FNTA: variants seen among roughly 807,000 people sequenced by gnomAD.
FNTA encodes the protein protein farnesyltransferase/geranylgeranyltransferase type-1 subunit alpha.
A neutral mutation model predicts 55.2 loss-of-function variants in FNTA; 27 were observed. The observed-to-expected ratio is 0.49, with a 90% CI of 0.36 to 0.67. The LOEUF is 0.67. FNTA is among the 30% of genes least tolerant of loss of function. The pLI is 0.00. For missense variants in FNTA, 422 were observed against 464.7 expected (o/e 0.91, Z 0.85); for synonymous variants, 176 against 170.7 (o/e 1.03, Z -0.24).
At chr8:43,070,292 A>C (rs1388247499) in intron 4 of FNTA, 1 of 151,982 alleles carries the variant, frequency 6.6e-6, no homozygotes, top group African/African-American at 2.4e-5. Context: ...TGGGGGACCG[A>C]GTGAGACTCT....
intron 4 of FNTA, among the ~76,000 whole-genome samples, chr8:43,071,262 A>G (rs1236524911): frequency 2.0e-5 from 3 of 152,186 alleles, no homozygotes; most frequent in Admixed American, 2.0e-4. Flanking sequence ...GATCTGTACA[A>G]CCATCACCAT....
In FNTA at chr8:43,056,475, TG is replaced by T; in HGVS notation, c.133del (p.Glu45LysfsTer12). The T allele has an allele frequency of 6.4e-7, 1 of 1,570,494 alleles. No homozygotes were observed. Among genetic ancestry groups the T allele is most frequent in the East Asian group, 2.4e-5 (1 of 40,872 alleles). On this transcript the variant is annotated frameshift_variant, in exon 1 of 9. Transcript: ENST00000302279. LOFTEE classifies it high-confidence loss of function. The part of the protein sequence containing the change: ...QHKEEMAAEA[G>X]EAVASPMDDG... The stretch of plus-strand genomic sequence containing the variant: ...ACAAGGAAGAGATGGCGGCCGAGGC[TG>T]GGGAAGCCGTGGCGTCCCCCATGGA...
At position 43,064,231 on chromosome 8, in the gene FNTA, C is replaced by G. The variant is rs1810602070; in HGVS notation, c.401+16C>G. Reference sequence around the variant, plus strand: ...ATACAGTGTGGTAAGTAATACACATCATCAGTATTCCCTGCTTAAATGTTT... The same window carrying G: ...ATACAGTGTGGTAAGTAATACACATGATCAGTATTCCCTGCTTAAATGTTT... On this transcript the variant is annotated intron_variant, in intron 3 of 8. Transcript: ENST00000302279. 7.2e-7 allele frequency: 1 copy of G among 1,397,278 alleles called. No homozygotes were observed. The highest frequency in any genetic ancestry group is 1.0e-6 in the Non-Finnish European group (1 of 984,846). 86.6% of individuals were successfully genotyped at this position (1,397,278 alleles called of 1,614,324 possible).
chr8:43,081,623 G>C (rs1382070394), intron 6 of FNTA: 1 of 152,248 alleles, frequency 6.6e-6, no homozygotes, highest in Admixed American at 6.5e-5. Flanking sequence ...GGAGTGCAGT[G>C]ACGGATCATA....
At chr8:43,074,815 A>G (rs1810872613) in intron 5 of FNTA, among the ~76,000 whole-genome samples, 1 of 152,182 alleles carries the variant, frequency 6.6e-6, no homozygotes, top group South Asian at 2.1e-4. Context: ...CTGAGGGAAT[A>G]GTTCTCCATC....
chr8:43,075,096 CAT>C (rs376215932), intron 5 of FNTA, among the ~76,000 whole-genome samples: 135 of 152,248 alleles, frequency 8.9e-4, no homozygotes, highest in Middle Eastern at 3.4e-3. Flanking sequence ...CAAATAGAAA[CAT>C]ATGTATAGAA....
In FNTA at chr8:43,072,293, C is replaced by A; in HGVS notation, c.619C>A (p.Gln207Lys). 6.3e-7 allele frequency: 1 copy of A among 1,581,892 alleles called. No individual in the cohort carries two copies. Among genetic ancestry groups the A allele is most frequent in the Non-Finnish European group, 8.6e-7 (1 of 1,164,850 alleles). The change falls in exon 5 of 9, where the codon CAA (glutamine) becomes AAA (lysine). Residue 207 changes from glutamine (Q) to lysine (K), a missense_variant. Around this residue, in one of 2 missense-constraint regions of FNTA, gnomAD observed 262 missense variants for 343.1 expected, o/e 0.76. Transcript: ENST00000302279. The stretch of plus-strand genomic sequence containing the variant: ...GAATTATCATGCCTGGCAGCATCGA[C>A]AATGGGTTATTCAGGTATTGCCTTT... ...AKNYHAWQHR[Q>K]WVIQEFKLWD...
At chr8:43,063,444 G>C (rs926672489) in intron 2 of FNTA, among the ~76,000 whole-genome samples, 2 of 152,020 alleles carry the variant, frequency 1.3e-5, no homozygotes, top group Non-Finnish European at 2.9e-5. Flanking sequence ...GGAATTACTG[G>C]GTCAAAGAGT....
chr8:43,067,043 G>A (rs1425866663), intron 3 of FNTA, among the ~76,000 whole-genome samples: 1 of 152,050 alleles, frequency 6.6e-6, no homozygotes, highest in Admixed American at 6.5e-5. Context: ...TTTTTTCTAA[G>A]TTTGTATATC....
intron 4 of FNTA, among the ~76,000 whole-genome samples, chr8:43,071,539 G>A (rs1810790508): frequency 1.3e-5 from 2 of 151,966 alleles, no homozygotes. Flanking sequence ...GGGCGTGGTG[G>A]CAGGCGCCTG....
At chr8:43,079,582 C>G (rs1810982959) in intron 6 of FNTA, 1 of 152,242 alleles carries the variant, frequency 6.6e-6, no homozygotes, top group Non-Finnish European at 1.5e-5. Context: ...CACCCAAGAG[C>G]TCTAATGGAG....
intron 3 of FNTA, 66 bp downstream of exon 3, chr8:43,064,281 T>A: frequency 1.0e-6 from 1 of 998,022 alleles, no homozygotes; most frequent in South Asian, 1.4e-5. Context: ...TTTCTTTTTT[T>A]AAACTGTACT....
Position 43,066,288 on chromosome 8 carries a change from G to A in FNTA, c.401+2073G>A, listed in dbSNP as rs533551241. Among the ~76,000 whole-genome samples, 232 of 148,152 alleles carry A rather than the reference G, an allele frequency of 1.6e-3. 9 individuals carry two copies. The highest frequency in any genetic ancestry group is 5.8e-3 in the African/African-American group (228 of 39,418). ...TTTTTTTTTTTTGAGACAGAGTCTC[G>A]CTCAGTTGCCCAGGCTGGAGTGCAG... On this transcript the variant is annotated intron_variant, in intron 3 of 8. Transcript: ENST00000302279.
chr8:43,058,561 A>G (rs1810464000), intron 1 of FNTA, among the ~76,000 whole-genome samples: 1 of 152,014 alleles, frequency 6.6e-6, no homozygotes, highest in Admixed American at 6.6e-5. Context: ...CACCAGGTCA[A>G]GAGATTGAGA....
At chr8:43,075,534 G>A (rs929379053) in intron 5 of FNTA, among the ~76,000 whole-genome samples, 26 of 150,368 alleles carry the variant, frequency 1.7e-4, no homozygotes, top group African/African-American at 6.1e-4. Context: ...AATTTATATT[G>A]CCTGGGTGTG....
chr8:43,073,343 C>T (rs1169467695), intron 5 of FNTA: 3 of 152,072 alleles, frequency 2.0e-5, no homozygotes, highest in African/African-American at 7.2e-5. Context: ...TTGAAAAGCC[C>T]CCTTAACTGG....
At chr8:43,075,135 A>T (rs1303824496) in intron 5 of FNTA, among the ~76,000 whole-genome samples, 1 of 152,200 alleles carries the variant, frequency 6.6e-6, no homozygotes, top group Non-Finnish European at 1.5e-5. Flanking sequence ...TTTCATTATT[A>T]GACTCTACAG....
chr8:43,063,002 C>T (rs1402785393), intron 2 of FNTA, among the ~76,000 whole-genome samples: 2 of 151,850 alleles, frequency 1.3e-5, no homozygotes, highest in African/African-American at 4.8e-5. Flanking sequence ...AGCGTGGTCT[C>T]AAACTCTTGG....
chr8:43,085,238 A>C lies in FNTA; in HGVS notation c.1096A>C (p.Lys366Gln). Residue 366 changes from lysine to glutamine, a missense_variant, in exon 9 of 9, where the codon AAA becomes CAA. By Grantham distance (53) the Lys-to-Gln change is moderately conservative. Coordinates refer to ENST00000302279, the MANE Select transcript of FNTA (RefSeq NM_002027.3). ...WRYIGRSLQS[K>Q]HSTENDSPTN... The stretch of plus-strand genomic sequence containing the variant: ...ATACATTGGAAGATCCCTTCAAAGC[A>C]AACACAGCACAGAAAATGACTCACC... The C allele has an allele frequency of 6.2e-7, 1 of 1,609,518 alleles. No individual in the cohort carries two copies. The highest frequency in any genetic ancestry group is 8.5e-7 in the Non-Finnish European group (1 of 1,178,878).
Sources: gnomAD v4.1 joint callset for allele counts (sites outside exome capture counted in the v4.1 genomes callset) on GRCh38, gnomAD v4.1.1 for gene constraint, gnomAD v4.1.1 regional missense constraint, MANE v1.5 for transcripts, NCBI Gene and HGNC (gene_info 2026-07-23, HGNC 2026-07-21) for gene names.